The following TNS1 variants were observed in gnomAD, a reference collection of about 807,000 sequenced individuals.
TNS1 encodes the protein tensin 1.
A neutral mutation model predicts 168.6 loss-of-function variants in TNS1; 62 were observed. The observed-to-expected ratio is 0.37, with a 90% CI of 0.30 to 0.45. The LOEUF (loss-of-function observed/expected upper bound fraction) is 0.45, where lower values mean the gene tolerates loss of function less well. Ranked by LOEUF, TNS1 falls within the 20% of genes least tolerant of loss-of-function variation. TNS1 has a pLI of 1.00. For synonymous variants in TNS1, 934 were observed against 933.2 expected (o/e 1.00, Z -0.02); for missense variants, 2,240 against 2,339.4 (o/e 0.96, Z 0.88).
Position 217,977,425 on chromosome 2 carries a change from G to A in TNS1, c.186+1340C>T, listed in dbSNP as rs192076816. On this transcript the variant is annotated intron_variant, in intron 3 of 32. Transcript: ENST00000682258. ...CATTCCAAGCTGGAGTCTACAGATG[G>A]AGACGCCCTCCAGCAAGGTGTGTGC... Among the ~76,000 whole-genome samples, 225 of 152,346 alleles carry A rather than the reference G, an allele frequency of 1.5e-3. 1 individual carries two copies. The highest frequency in any genetic ancestry group is 2.1e-3 in the Non-Finnish European group (144 of 68,036).
intron 18 of TNS1, chr2:217,858,613 C>T: frequency 3.1e-6 from 3 of 983,128 alleles, no homozygotes; most frequent in Non-Finnish European, 2.4e-6. Flanking sequence ...CTGTGTCCTA[C>T]TCAAGCTCCC....
intron 22 of TNS1, chr2:217,830,299 T>G (rs1013022820): frequency 6.2e-7 from 1 of 1,602,896 alleles, no homozygotes; most frequent in South Asian, 1.1e-5. Flanking sequence ...ATGCCGACAC[T>G]CTGAGTGGGA....
intron 1 of TNS1, among the ~76,000 whole-genome samples, chr2:218,030,483 C>G (rs768608684): frequency 6.6e-6 from 1 of 152,220 alleles, no homozygotes. Context: ...GGCAAGGACC[C>G]GAGCTGTCTG....
At chr2:217,903,041 G>A (rs1025076395) in intron 6 of TNS1, among the ~76,000 whole-genome samples, 2 of 152,158 alleles carry the variant, frequency 1.3e-5, no homozygotes, top group African/African-American at 2.4e-5. Flanking sequence ...GACCTCACAC[G>A]AGGCTAGAGA....
In TNS1 at chr2:217,848,133, G is replaced by A. The variant is rs1402017726; in HGVS notation, c.2384C>T (p.Ala795Val). The A allele has an allele frequency of 1.9e-6, 3 of 1,593,224 alleles. No individual in the cohort carries two copies. The highest frequency in any genetic ancestry group is 2.6e-6 in the Non-Finnish European group (3 of 1,170,258). The change falls in exon 19 of 33, where the codon GCC becomes GTC. Residue 795 changes from alanine to valine, a missense_variant. Ala to Val is a moderately conservative substitution (Grantham distance 64). Transcript: ENST00000682258. The stretch of plus-strand genomic sequence containing the variant: ...GCTGGCTACAAGACTCTCCAAGTGG[G>A]CTCTTTCCTGCTGGCGTGGAGGTGG... Reference protein sequence around the residue: ...PRPPPRQQERAHLESLVASRP... With the variant: ...PRPPPRQQERVHLESLVASRP...
chr2:217,962,989 T>C (rs948316060), intron 3 of TNS1, among the ~76,000 whole-genome samples: 1 of 151,532 alleles, frequency 6.6e-6, no homozygotes, highest in Non-Finnish European at 1.5e-5. Flanking sequence ...TTAGGGGGAG[T>C]TGGGTGAAGG....
chr2:217,821,565 G>A (rs548109508), intron 23 of TNS1, among the ~76,000 whole-genome samples, 175 bp downstream of exon 23: 4 of 152,308 alleles, frequency 2.6e-5, no homozygotes, highest in South Asian at 4.1e-4. Context: ...AGGATTCAGC[G>A]CGCAGGACAT....
chr2:217,891,118 T>C (rs1194772747), intron 11 of TNS1, 73 bp from the exon 12 acceptor site: 11 of 1,475,744 alleles, frequency 7.5e-6, no homozygotes, highest in Non-Finnish European at 1.0e-5. Context: ...CCACCCCTGC[T>C]CCCTCAGACC....
Position 218,002,941 on chromosome 2 carries a change from G to T in TNS1, c.-69C>A, listed in dbSNP as rs1031529150. 1 of 456,216 alleles carries T rather than the reference G, an allele frequency of 2.2e-6. No individual in the cohort carries two copies. Among genetic ancestry groups the T allele is most frequent in the African/African-American group, 2.0e-5 (1 of 50,010 alleles). 28.3% of individuals were successfully genotyped at this position (456,216 alleles called of 1,614,324 possible). Reference sequence around the variant, plus strand: ...GAGCCCCTGAAGCTAGAGTCCCCGCGGCGCTGGCAGAAGGGCTCTCTGAGT... The same window carrying T: ...GAGCCCCTGAAGCTAGAGTCCCCGCTGCGCTGGCAGAAGGGCTCTCTGAGT... On this transcript the variant is annotated 5_prime_UTR_variant, in exon 1 of 33. Coordinates refer to ENST00000682258, the MANE Select transcript of TNS1 (RefSeq NM_001387777.1).
chr2:217,871,714 C>T (rs889505788), intron 18 of TNS1, among the ~76,000 whole-genome samples: 2 of 152,266 alleles, frequency 1.3e-5, no homozygotes, highest in African/African-American at 4.8e-5. Flanking sequence ...ACTCTCAAAC[C>T]TGGAGGACAC....
intron 3 of TNS1, among the ~76,000 whole-genome samples, chr2:217,967,838 T>C: frequency 6.6e-6 from 1 of 151,890 alleles, no homozygotes; most frequent in African/African-American, 2.4e-5. Flanking sequence ...ACCAAAGATA[T>C]CAAAGGAAAA....
At chr2:217,857,764 G>A (rs932028254) in intron 18 of TNS1, among the ~76,000 whole-genome samples, 4 of 152,248 alleles carry the variant, frequency 2.6e-5, no homozygotes, top group Admixed American at 6.5e-5. Context: ...TCCTGACTCC[G>A]GCCTGGCCTG....
intron 18 of TNS1, among the ~76,000 whole-genome samples, chr2:217,875,866 C>A (rs897182437): frequency 6.6e-6 from 1 of 152,160 alleles, no homozygotes; most frequent in African/African-American, 2.4e-5. Flanking sequence ...CTGTCACCAG[C>A]CCCCGGTTCT....
At chr2:217,908,634 G>A (rs953995164) in intron 4 of TNS1, among the ~76,000 whole-genome samples, 5 of 152,188 alleles carry the variant, frequency 3.3e-5, no homozygotes. Flanking sequence ...GGAAGAGACT[G>A]GGCTGAGCGG....
rs1399156741 is a variant in TNS1 at position 217,848,985 on chromosome 2, C to T, written c.1532G>A (p.Arg511His). 10 of 1,613,862 alleles carry T rather than the reference C, an allele frequency of 6.2e-6. No homozygotes were observed. Among genetic ancestry groups the T allele is most frequent in the African/African-American group, 4.0e-5 (3 of 74,842 alleles). The change falls in exon 19 of 33, where the codon CGT (arginine) becomes CAT (histidine). Residue 511 changes from arginine (R) to histidine (H), a missense_variant. Physicochemically the swap from Arg to His is conservative, Grantham distance 29 (BLOSUM62 0). This residue lies in a region of TNS1 where 2,131 missense variants were observed against 2,171.2 expected (regional missense o/e 0.98). Transcript: ENST00000682258. Reference sequence around the variant, plus strand: ...GTTGGGGGTGGCCGACAGTGTAGGACGTGTGGCATTAACAGCCCCGGTGCT... The same window carrying T: ...GTTGGGGGTGGCCGACAGTGTAGGATGTGTGGCATTAACAGCCCCGGTGCT... ...HGSTGAVNAT[R>H]PTLSATPNHV...
chr2:217,817,679 G>T lies in TNS1; in HGVS notation c.4642+11C>A. ...GCAGGAGAGGTGAAAATGGAAGGGGGAGAGGCCCACCTGGCATGGAGTACT... is the reference window on the plus strand; with the variant it reads ...GCAGGAGAGGTGAAAATGGAAGGGGTAGAGGCCCACCTGGCATGGAGTACT... On this transcript the variant is annotated intron_variant, in intron 24 of 32. Transcript: ENST00000682258. 1 of 1,575,102 alleles carries T rather than the reference G, an allele frequency of 6.3e-7. No homozygotes were observed.
rs3839056 is a variant in TNS1 at position 217,848,163 on chromosome 2, G to GGCTGCTGCTGCT, written c.2342_2353dup (p.Gln781_Gln784dup). 8.0e-6 allele frequency: 12 copies of GGCTGCTGCTGCT among 1,502,154 alleles called. No homozygotes were observed. The highest frequency in any genetic ancestry group is 7.3e-5 in the East Asian group (3 of 41,278). The allele number at this position is 1,502,154 out of a possible 1,614,324, so 93.1% of individuals were successfully genotyped here. ...TTCCTGCTGGCGTGGAGGTGGGCGA[G>GGCTGCTGCTGCT]GCTGCTGCTGCTGCTGCTGCTGCTG... On this transcript the variant is annotated inframe_insertion, in exon 19 of 33. Coordinates refer to ENST00000682258, the MANE Select transcript of TNS1 (RefSeq NM_001387777.1).
intron 18 of TNS1, among the ~76,000 whole-genome samples, chr2:217,873,259 C>T (rs747116409): frequency 2.6e-5 from 4 of 152,180 alleles, no homozygotes; most frequent in South Asian, 2.1e-4. Context: ...CAAACTATAC[C>T]GCCATACACA....
rs578200880 is a variant in TNS1, at chr2:217,839,125, G to A, written c.3008-2914C>T. ...GGCAGCAGGACACTGGGATGATGGG[G>A]GTACATAGTGGGGCCACTGGGTCAC... is the stretch of plus-strand genomic sequence containing the variant. On this transcript the variant is annotated intron_variant, in intron 19 of 32. Coordinates refer to ENST00000682258, the MANE Select transcript of TNS1 (RefSeq NM_001387777.1). Among the ~76,000 whole-genome samples the A allele has an allele frequency of 8.8e-4, 134 of 152,042 alleles. 1 individual carries two copies. Among genetic ancestry groups the A allele is most frequent in the Non-Finnish European group, 1.5e-3 (100 of 67,966 alleles).
Sources: gnomAD v4.1 joint callset for allele counts (sites outside exome capture counted in the v4.1 genomes callset) on GRCh38, gnomAD v4.1.1 for gene constraint, gnomAD v4.1.1 regional missense constraint, MANE v1.5 for transcripts, NCBI Gene and HGNC (gene_info 2026-07-23, HGNC 2026-07-21) for gene names.